TDRP: variants seen among roughly 807,000 people sequenced by gnomAD.
TDRP encodes the protein testis development related protein, also known as testis development-related protein.
TDRP carries 12 observed loss-of-function variants against 10.5 expected under a neutral mutation model. That is an observed-to-expected ratio of 1.15 (90% CI 0.73 to 1.86). The LOEUF is 1.86. Among genes scored for constraint, TDRP ranks in the 40% most tolerant of loss-of-function variants. The pLI is 0.00. For missense variants in TDRP, 353 were observed against 229.2 expected, an observed-to-expected ratio of 1.54 and a Z score of -3.49; for synonymous variants, 139 against 95.4, an observed-to-expected ratio of 1.46 and a Z score of -2.67.
intron 1 of TDRP, among the ~76,000 whole-genome samples, chr8:498,030 A>T (rs1319614016): frequency 1.3e-5 from 2 of 152,176 alleles, no homozygotes; most frequent in African/African-American, 4.8e-5. Flanking sequence ...ATCCAAGCAG[A>T]AATCTGCTGC....
intron 1 of TDRP, among the ~76,000 whole-genome samples, chr8:534,151 T>C (rs535938927): frequency 3.3e-5 from 5 of 152,332 alleles, no homozygotes; most frequent in African/African-American, 1.2e-4. Context: ...TGGATTCAAA[T>C]TCCTACTGGT....
intron 1 of TDRP, among the ~76,000 whole-genome samples, chr8:523,188 G>C (rs977465796): frequency 5.3e-5 from 8 of 151,780 alleles, no homozygotes; most frequent in Admixed American, 2.6e-4. Context: ...TTTTCTTTCT[G>C]GTTATCACAG....
chr8:502,265 G>C (rs944651255), intron 1 of TDRP, among the ~76,000 whole-genome samples: 4 of 152,190 alleles, frequency 2.6e-5, no homozygotes, highest in Non-Finnish European at 4.4e-5. Flanking sequence ...TGAGAAACTG[G>C]CCATTCTGGA....
upstream of TDRP, chr8:544,858 G>C (rs1225735256): frequency 2.3e-6 from 2 of 874,554 alleles, no homozygotes; most frequent in African/African-American, 3.5e-5. Context: ...GCGGGACGCG[G>C]GCCCAGTGGG....
chr8:519,807 T>C (rs1801852052), intron 1 of TDRP, among the ~76,000 whole-genome samples: 1 of 152,222 alleles, frequency 6.6e-6, no homozygotes, highest in South Asian at 2.1e-4. Flanking sequence ...TCAAGTGGTA[T>C]GTGACCCACC....
At chr8:537,001 C>G (rs1030838997) in intron 1 of TDRP, among the ~76,000 whole-genome samples, 1 of 152,210 alleles carries the variant, frequency 6.6e-6, no homozygotes, top group African/African-American at 2.4e-5. Context: ...TCTGTTTACC[C>G]AAGAAAGAAT....
intron 1 of TDRP, among the ~76,000 whole-genome samples, chr8:503,538 G>A (rs1274080698): frequency 6.9e-6 from 1 of 145,492 alleles, no homozygotes; most frequent in African/African-American, 2.7e-5. Context: ...GCAGCACACT[G>A]GAACCAATGC....
chr8:491,603 T>A lies in TDRP; in HGVS notation c.*796A>T. ...TTTTATGCACAGTCTTAACTCTCTATAATGAGCAAGACAATGTTTCCTAAA... is the reference window on the plus strand; with the variant it reads ...TTTTATGCACAGTCTTAACTCTCTAAAATGAGCAAGACAATGTTTCCTAAA... On this transcript the variant is annotated 3_prime_UTR_variant, in exon 3 of 3. Transcript: ENST00000324079. 6.5e-7 allele frequency: 1 copy of A among 1,530,208 alleles called. No individual in the cohort carries two copies. The highest frequency in any genetic ancestry group is 8.7e-7 in the Non-Finnish European group (1 of 1,145,212). The allele number at this position is 1,530,208 out of a possible 1,614,324, so 94.8% of individuals were successfully genotyped here.
chr8:517,177 T>G lies in TDRP; in HGVS notation c.109-22580A>C, dbSNP rs147469891. Among the ~76,000 whole-genome samples the G allele has an allele frequency of 1.2e-3, 185 of 152,310 alleles. 1 individual carries two copies. The highest frequency in any genetic ancestry group is 4.3e-3 in the African/African-American group (177 of 41,572). On this transcript the variant is annotated intron_variant, in intron 1 of 2. Transcript: ENST00000324079. ...CTTAAGACTGACAGAAGGGACTCTTTGCATCAGTGAGATACCAAATTCCAA... is the reference window on the plus strand; with the variant it reads ...CTTAAGACTGACAGAAGGGACTCTTGGCATCAGTGAGATACCAAATTCCAA...
chr8:544,840 C>A (rs1802596204), upstream of TDRP: 7 of 1,047,288 alleles, frequency 6.7e-6, no homozygotes, highest in African/African-American at 1.7e-5. Flanking sequence ...GCTCTGCCTG[C>A]GGCTCCTGCG....
chr8:544,354 G>A (rs1024125681), intron 1 of TDRP, among the ~76,000 whole-genome samples: 1 of 152,036 alleles, frequency 6.6e-6, no homozygotes, highest in Non-Finnish European at 1.5e-5. Context: ...ACGTGCAGGG[G>A]GCACTGGGTC....
intron 1 of TDRP, among the ~76,000 whole-genome samples, chr8:496,160 A>G (rs564384492): frequency 3.9e-4 from 59 of 152,360 alleles, no homozygotes; most frequent in African/African-American, 1.1e-3. Context: ...AACACTGAGC[A>G]TCAGGTATCA....
chr8:541,659 G>C (rs544021443), intron 1 of TDRP, among the ~76,000 whole-genome samples: 2 of 152,168 alleles, frequency 1.3e-5, no homozygotes, highest in African/African-American at 4.8e-5. Flanking sequence ...CTGAAAAGAT[G>C]CTCATGTCAT....
At chr8:514,242 C>G (rs990571311) in intron 1 of TDRP, among the ~76,000 whole-genome samples, 2 of 152,232 alleles carry the variant, frequency 1.3e-5, no homozygotes, top group African/African-American at 2.4e-5. Flanking sequence ...TCAATGCAAT[C>G]AGTGGCATTA....
At chr8:508,915 G>A (rs1801537238) in intron 1 of TDRP, among the ~76,000 whole-genome samples, 1 of 152,210 alleles carries the variant, frequency 6.6e-6, no homozygotes, top group Non-Finnish European at 1.5e-5. Context: ...CAGACATTGG[G>A]TAAATGTTCC....
intron 1 of TDRP, among the ~76,000 whole-genome samples, chr8:538,658 T>C (rs553659735): frequency 2.8e-4 from 42 of 152,344 alleles, no homozygotes; most frequent in Non-Finnish European, 4.3e-4. Context: ...TGTATTTTCA[T>C]GCAAATACAG....
chr8:500,404 G>A (rs781525274), intron 1 of TDRP, among the ~76,000 whole-genome samples: 3 of 152,114 alleles, frequency 2.0e-5, no homozygotes, highest in African/African-American at 2.4e-5. Context: ...CAGTGCGCAC[G>A]TCCAGATCCT....
chr8:544,918 C>G (rs1403718274), upstream of TDRP: 1 of 407,252 alleles, frequency 2.5e-6, no homozygotes, highest in Non-Finnish European at 4.1e-6. Context: ...AGGCCCGCCC[C>G]CTCCCCACCA....
At chr8:536,136 G>C (rs548215761) in intron 1 of TDRP, among the ~76,000 whole-genome samples, 19 of 152,306 alleles carry the variant, frequency 1.2e-4, no homozygotes, top group Non-Finnish European at 2.6e-4. Flanking sequence ...AGAGTAATAT[G>C]CTAAGGCCTG....
Sources: gnomAD v4.1 joint callset for allele counts (sites outside exome capture counted in the v4.1 genomes callset) on GRCh38, gnomAD v4.1.1 for gene constraint, MANE v1.5 for transcripts, NCBI Gene and HGNC (gene_info 2026-07-23, HGNC 2026-07-21) for gene names.